The following ABCB1 variants were observed in gnomAD, a reference collection of about 807,000 sequenced individuals.
The protein encoded by ABCB1 is ATP-dependent translocase ABCB1.
Under a neutral mutation model 142.0 loss-of-function variants are expected in ABCB1, and 69 were observed. That is an observed-to-expected ratio of 0.49 (90% CI 0.40 to 0.59). The LOEUF (loss-of-function observed/expected upper bound fraction) is 0.59. ABCB1 is among the 20% of genes least tolerant of loss of function. ABCB1 has a pLI of 0.00. For synonymous variants in ABCB1, 532 were observed against 539.2 expected, an observed-to-expected ratio of 0.99 and a Z score of 0.18; for missense variants, 1,326 against 1,554.7, an observed-to-expected ratio of 0.85 and a Z score of 2.47.
chr7:87,578,032 T>C (rs1818346266), intron 4 of ABCB1, among the ~76,000 whole-genome samples: 1 of 152,180 alleles, frequency 6.6e-6, no homozygotes, highest in East Asian at 1.9e-4. Flanking sequence ...GTGTCTTCTT[T>C]TAGTAGTTTC....
At chr7:87,605,205 C>T (rs1011180001), upstream of ABCB1, among the ~76,000 whole-genome samples, 14 of 152,106 alleles carry the variant, frequency 9.2e-5, no homozygotes, top group African/African-American at 3.4e-4. Context: ...ATAATCCAGG[C>T]GCACTGCAAC....
chr7:87,660,650 C>G (rs148608016), intron 1 of ABCB1, among the ~76,000 whole-genome samples: 1,559 of 151,580 alleles, frequency 0.01, 28 homozygotes, highest in African/African-American at 0.036. Flanking sequence ...TTATTGTTTC[C>G]TCTGTTATAT....
intron 1 of ABCB1, among the ~76,000 whole-genome samples, chr7:87,622,981 C>G (rs56284806): frequency 0.013 from 2,018 of 152,156 alleles, 46 homozygotes; most frequent in African/African-American, 0.046. Flanking sequence ...GAGTTCAAGG[C>G]CGAGGTAAGC....
intron 4 of ABCB1, among the ~76,000 whole-genome samples, chr7:87,571,482 G>C (rs1818054180): frequency 6.6e-6 from 1 of 152,200 alleles, no homozygotes; most frequent in South Asian, 2.1e-4. Context: ...TGTAGGGAAA[G>C]AGAGTCTAAA....
At chr7:87,520,947 A>C in intron 21 of ABCB1, 71 bp from the exon 22 acceptor site, 1 of 1,133,634 alleles carries the variant, frequency 8.8e-7, no homozygotes, top group Middle Eastern at 1.9e-4. Flanking sequence ...ATTCTATAAA[A>C]CAGACTAATG....
At position 87,586,372 on chromosome 7, in the gene ABCB1, A is replaced by T. The variant is rs28381822; in HGVS notation, c.118-692T>A. On this transcript the variant is annotated intron_variant, in intron 3 of 27. Coordinates refer to ENST00000622132, the MANE Select transcript of ABCB1 (RefSeq NM_001348946.2). Reference sequence around the variant, plus strand: ...CCAAAAAGTTACAGGAAAAGGACACAGTTAAGAGGAATGGGCTCAGGGCCC... The same window carrying T: ...CCAAAAAGTTACAGGAAAAGGACACTGTTAAGAGGAATGGGCTCAGGGCCC... Among the ~76,000 whole-genome samples the T allele has an allele frequency of 3.5e-3, 535 of 152,358 alleles. 3 individuals carry two copies. The highest frequency in any genetic ancestry group is 0.012 in the African/African-American group (487 of 41,594).
intron 1 of ABCB1, among the ~76,000 whole-genome samples, chr7:87,700,866 A>G (rs535692534): frequency 2.2e-4 from 34 of 152,372 alleles, no homozygotes; most frequent in Admixed American, 2.0e-3. Context: ...CAATGCAGAC[A>G]CAATGGTGGA....
chr7:87,522,288 G>A (rs1815550745), intron 21 of ABCB1: 1 of 812,994 alleles, frequency 1.2e-6, no homozygotes, highest in East Asian at 2.4e-5. Context: ...ATGAAGGGAG[G>A]AAACTTTGGA....
intron 8 of ABCB1, among the ~76,000 whole-genome samples, chr7:87,559,151 T>G (rs10244266): frequency 0.13 from 19,879 of 152,036 alleles, 1,379 homozygotes; most frequent in African/African-American, 0.17. Flanking sequence ...TAGGGTTATC[T>G]CTTTCTTGAA....
intron 1 of ABCB1, among the ~76,000 whole-genome samples, chr7:87,661,438 G>C (rs1202055379): frequency 6.7e-6 from 1 of 150,124 alleles, no homozygotes; most frequent in African/African-American, 2.4e-5. Context: ...CCAGCCTCTG[G>C]TAACCATTAT....
At chr7:87,709,831 T>A (rs1436701837) in intron 1 of ABCB1, among the ~76,000 whole-genome samples, 1 of 152,176 alleles carries the variant, frequency 6.6e-6, no homozygotes, top group Non-Finnish European at 1.5e-5. Context: ...AAATAATTGA[T>A]TTATGAAGTT....
chr7:87,551,176 C>A (rs1441903827), intron 9 of ABCB1, among the ~76,000 whole-genome samples: 1 of 152,118 alleles, frequency 6.6e-6, no homozygotes, highest in Non-Finnish European at 1.5e-5. Context: ...CATGCACCAT[C>A]ACACCTGACT....
intron 3 of ABCB1, among the ~76,000 whole-genome samples, chr7:87,589,789 AAGAGAGAGAGAGAGAGG>A: frequency 7.3e-6 from 1 of 137,634 alleles, no homozygotes; most frequent in African/African-American, 3.0e-5. Flanking sequence ...TAAAAAAAGA[AAGAGAGAGAGAGAGAGG>A]AGAGAGAGAG....
intron 1 of ABCB1, among the ~76,000 whole-genome samples, chr7:87,678,968 T>A (rs1268552982): frequency 6.6e-6 from 1 of 152,034 alleles, no homozygotes; most frequent in Admixed American, 6.6e-5. Flanking sequence ...AAATCTACAT[T>A]ATACTTAGCA....
intron 1 of ABCB1, among the ~76,000 whole-genome samples, chr7:87,615,915 G>A (rs987666048): frequency 6.6e-6 from 1 of 152,154 alleles, no homozygotes; most frequent in Non-Finnish European, 1.5e-5. Flanking sequence ...TTTCCTGATG[G>A]GGATGGTGAG....
intron 1 of ABCB1, among the ~76,000 whole-genome samples, chr7:87,631,175 T>C (rs1355745521): frequency 6.6e-6 from 1 of 152,204 alleles, no homozygotes; most frequent in Non-Finnish European, 1.5e-5. Flanking sequence ...AAATTATCCA[T>C]GTGTAGTAAT....
chr7:87,601,241 CA>C (rs1351017507), upstream of ABCB1, among the ~76,000 whole-genome samples: 3 of 152,134 alleles, frequency 2.0e-5, no homozygotes, highest in Non-Finnish European at 4.4e-5. Context: ...ACAGTTAATA[CA>C]AAAACTCCGA....
chr7:87,520,650 A>G, intron 22 of ABCB1, 126 bp downstream of exon 22: 1 of 811,422 alleles, frequency 1.2e-6, no homozygotes, highest in Non-Finnish European at 2.1e-6. Flanking sequence ...ACTGTTTCTC[A>G]ATGGTTTACC....
At chr7:87,607,651 A>G (rs190574809) in intron 1 of ABCB1, among the ~76,000 whole-genome samples, 2 of 152,200 alleles carry the variant, frequency 1.3e-5, no homozygotes, top group Admixed American at 1.3e-4. Context: ...TCCTGCATTC[A>G]AAGGATCTCC....
Sources: gnomAD v4.1 joint callset for allele counts (sites outside exome capture counted in the v4.1 genomes callset) on GRCh38, gnomAD v4.1.1 for gene constraint, MANE v1.5 for transcripts, NCBI Gene and HGNC (gene_info 2026-07-23, HGNC 2026-07-21) for gene names.